BAZ1B: variants seen among roughly 807,000 people sequenced by gnomAD.
BAZ1B encodes the protein bromodomain adjacent to zinc finger domain 1B.
In BAZ1B, 22 loss-of-function variants were observed where a neutral mutation model predicts 153.8. That is an observed-to-expected ratio of 0.14 (90% confidence interval 0.10 to 0.20). The LOEUF is 0.20. Ranked by LOEUF, BAZ1B falls within the 10% of genes least tolerant of loss-of-function variation. The pLI, the probability that BAZ1B is intolerant of heterozygous loss-of-function variation, is 1.00. For missense variants in BAZ1B, 1,325 were observed against 1,799.3 expected, an observed-to-expected ratio of 0.74 and a Z score of 4.77; for synonymous variants, 676 against 633.4, an observed-to-expected ratio of 1.07 and a Z score of -1.01.
intron 1 of BAZ1B, among the ~76,000 whole-genome samples, chr7:73,517,188 C>CAA (rs572164094): frequency 2.8e-5 from 4 of 142,450 alleles, no homozygotes; most frequent in African/African-American, 7.7e-5. Context: ...AGCTCAAAAA[C>CAA]AAAAAAAAAA....
intron 13 of BAZ1B, among the ~76,000 whole-genome samples, chr7:73,452,498 C>T (rs1196508491): frequency 6.6e-6 from 1 of 151,890 alleles, no homozygotes; most frequent in Non-Finnish European, 1.5e-5. Context: ...CCGAGGCGGG[C>T]GGATCACAAA....
intron 7 of BAZ1B, among the ~76,000 whole-genome samples, chr7:73,475,508 A>G (rs912015671): frequency 1.3e-5 from 2 of 152,262 alleles, no homozygotes; most frequent in South Asian, 4.1e-4. Context: ...TACATGAAAT[A>G]TCCAGAATAG....
Position 73,517,373 on chromosome 7 carries a change from G to T in BAZ1B, c.107+4454C>A, listed in dbSNP as rs538874347. Among the ~76,000 whole-genome samples the T allele has an allele frequency of 2.4e-4, 37 of 152,030 alleles. No individual in the cohort carries two copies. In the South Asian group the frequency reaches 7.3e-3, roughly 30 times the overall value. On this transcript the variant is annotated intron_variant, in intron 1 of 19. Coordinates refer to ENST00000339594, the MANE Select transcript of BAZ1B (RefSeq NM_032408.4). The stretch of plus-strand genomic sequence containing the variant: ...ATTAGGCGTGGTGGTGTGCACCTAT[G>T]GTTATAGCTACTCAGCAGGCTGAGT...
rs956256499 is a variant in BAZ1B at position 73,484,873 on chromosome 7, G to C, written c.891+4321C>G. ...AAAGACAAAGAAAAGCTGAGGGACT[G>C]TCCCAGATTAGAAGAGACCAAAGAG... On this transcript the variant is annotated intron_variant, in intron 6 of 19. Transcript: ENST00000339594. Among the ~76,000 whole-genome samples, 6 of 152,160 alleles carry C rather than the reference G, an allele frequency of 3.9e-5. 1 individual carries two copies. In the South Asian group the frequency reaches 6.2e-4, roughly 16 times the overall value.
chr7:73,505,706 A>G (rs1790310520), intron 3 of BAZ1B, among the ~76,000 whole-genome samples: 1 of 151,956 alleles, frequency 6.6e-6, no homozygotes, highest in Non-Finnish European at 1.5e-5. Context: ...ATGCACCACC[A>G]TACCTGGCTA....
chr7:73,509,179 G>A (rs982483303), intron 2 of BAZ1B, among the ~76,000 whole-genome samples: 5 of 151,764 alleles, frequency 3.3e-5, no homozygotes, highest in South Asian at 2.1e-4. Context: ...AGAATTAGCC[G>A]GGCGTGGTGG....
rs993986484 is a variant in BAZ1B at position 73,450,502 on chromosome 7, T to C, written c.3580+345A>G. Among the ~76,000 whole-genome samples, 3 of 152,190 alleles carry C rather than the reference T, an allele frequency of 2.0e-5. No individual in the cohort carries two copies. The highest frequency in any genetic ancestry group is 6.5e-5 in the Admixed American group (1 of 15,270). ...GACTGCCTCCTGCTGAAAGCACATA[T>C]CTTACTTCACAGATGACTAAAGTTC... On this transcript the variant is annotated intron_variant, in intron 14 of 19. Transcript: ENST00000339594. The surrounding 1 kb of genome is among the most constrained non-coding windows in gnomAD (Gnocchi z 4.1).
chr7:73,471,278 C>T (rs183923429), intron 7 of BAZ1B, among the ~76,000 whole-genome samples: 2 of 152,164 alleles, frequency 1.3e-5, no homozygotes, highest in African/African-American at 2.4e-5. Context: ...ACAGCAGGGA[C>T]GCACTTGTGG....
chr7:73,508,396 C>G lies in BAZ1B; in HGVS notation c.300G>C (p.Glu100Asp). 1 of 1,614,060 alleles carries G rather than the reference C, an allele frequency of 6.2e-7. No homozygotes were observed. Among genetic ancestry groups the G allele is most frequent in the Non-Finnish European group, 8.5e-7 (1 of 1,179,982 alleles). ...EMVHHNTASL[E>D]KLVDTAWLEI... ...CCAACCAAGCAGTATCTACTAACTT[C>G]TCTAAGGAGGCTGTGTTATGGTGAA... The change falls in exon 3 of 20, where the codon GAG becomes GAC. Residue 100 changes from glutamate (E) to aspartate (D), a missense_variant. Transcript: ENST00000339594.
intron 6 of BAZ1B, among the ~76,000 whole-genome samples, chr7:73,485,798 A>C (rs1228824525): frequency 6.6e-6 from 1 of 152,216 alleles, no homozygotes; most frequent in Non-Finnish European, 1.5e-5. Context: ...AAATTCATGC[A>C]GGATTCCAAA....
chr7:73,494,397 C>T (rs114757591), intron 4 of BAZ1B, among the ~76,000 whole-genome samples: 1,902 of 151,712 alleles, frequency 0.013, 41 homozygotes, highest in African/African-American at 0.044. Context: ...AGAAGACGAA[C>T]ATAAAATGGA....
intron 16 of BAZ1B, among the ~76,000 whole-genome samples, chr7:73,445,112 A>T (rs1583882168): frequency 6.6e-6 from 1 of 152,266 alleles, no homozygotes; most frequent in East Asian, 1.9e-4. Context: ...GCCAACTGGC[A>T]TTCCTCAGTG....
At position 73,478,518 on chromosome 7, in the gene BAZ1B, T is replaced by C; in HGVS notation, c.943A>G (p.Arg315Gly). 1 of 1,582,814 alleles carries C rather than the reference T, an allele frequency of 6.3e-7. No individual in the cohort carries two copies. Among genetic ancestry groups the C allele is most frequent in the Non-Finnish European group, 8.6e-7 (1 of 1,166,946 alleles). ...TKRKNTGSPD[R>G]KPSKKSKTDN... ...GTCTTGGATTTCTTTGAGGGCTTCCTGTCTGGGGATCCAGTATTCTTCCTC... is the reference window on the plus strand; with the variant it reads ...GTCTTGGATTTCTTTGAGGGCTTCCCGTCTGGGGATCCAGTATTCTTCCTC... Residue 315 changes from arginine (R) to glycine (G), a missense_variant, in exon 7 of 20, where the codon AGG (arginine) becomes GGG (glycine). Physicochemically the swap from Arg to Gly is moderately radical, Grantham distance 125. Coordinates refer to ENST00000339594, the MANE Select transcript of BAZ1B (RefSeq NM_032408.4).
chr7:73,458,105 A>T (rs1185579353), intron 13 of BAZ1B, among the ~76,000 whole-genome samples: 1 of 152,232 alleles, frequency 6.6e-6, no homozygotes, highest in East Asian at 1.9e-4. Context: ...ACAGGTGGCA[A>T]CGTGGGGCTT....
intron 3 of BAZ1B, among the ~76,000 whole-genome samples, chr7:73,500,481 A>T (rs10275549): frequency 0.86 from 130,758 of 152,204 alleles, 56,571 homozygotes; most frequent in East Asian, 1. Context: ...ACGTTGAAGA[A>T]GAAGGGAGTT....
Position 73,522,007 on chromosome 7 carries a change from A to C in BAZ1B, c.-74T>G, listed in dbSNP as rs1241117576. Reference sequence around the variant, plus strand: ...CGCAGCACTAGGCCCCGCGGCCCGGAGCGAGCGCCAGGCGCCCGGGGGTGG... The same window carrying C: ...CGCAGCACTAGGCCCCGCGGCCCGGCGCGAGCGCCAGGCGCCCGGGGGTGG... On this transcript the variant is annotated 5_prime_UTR_variant, in exon 1 of 20. Coordinates refer to ENST00000339594, the MANE Select transcript of BAZ1B (RefSeq NM_032408.4). The C allele has an allele frequency of 9.8e-7, 1 of 1,019,078 alleles. No homozygotes were observed. Among genetic ancestry groups the C allele is most frequent in the African/African-American group, 1.7e-5 (1 of 58,520 alleles). 63.1% of individuals were successfully genotyped at this position (1,019,078 alleles called of 1,614,324 possible). A position where few individuals can be genotyped will look rare whatever the true frequency, so the allele number is the denominator to read the frequency against.
intron 10 of BAZ1B, 151 bp from the exon 11 acceptor site, chr7:73,465,688 A>G: frequency 4.0e-6 from 2 of 495,070 alleles, no homozygotes; most frequent in African/African-American, 2.0e-5. Context: ...AGAATAAGTA[A>G]TTTACTATTT....
At chr7:73,467,526 C>T (rs997979170) in intron 9 of BAZ1B, among the ~76,000 whole-genome samples, 7 of 152,008 alleles carry the variant, frequency 4.6e-5, no homozygotes, top group African/African-American at 9.7e-5. Flanking sequence ...CCCGCCACCA[C>T]ACCCGGCTAA....
At position 73,442,745 on chromosome 7, in the gene BAZ1B, G is replaced by A; in HGVS notation, c.4074C>T (p.Tyr1358=). The A allele has an allele frequency of 6.2e-7, 1 of 1,614,124 alleles. No homozygotes were observed. Among genetic ancestry groups the A allele is most frequent in the Non-Finnish European group, 8.5e-7 (1 of 1,179,976 alleles). Residue 1358 remains tyrosine (Y), a synonymous_variant, in exon 18 of 20, where the codon TAC becomes TAT. Transcript: ENST00000339594. ...CTCACCTGAAGGGCCAGCTGAAGCGGTACTTCACGATCTTGTGGAGGATCT... is the reference window on the plus strand; with the variant it reads ...CTCACCTGAAGGGCCAGCTGAAGCGATACTTCACGATCTTGTGGAGGATCT... ...CEEILHKIVK[Y]RFSWPFREPV...
Sources: allele counts gnomAD v4.1 joint callset (sites outside exome capture counted in the v4.1 genomes callset), GRCh38; gene constraint gnomAD v4.1.1; non-coding constraint Gnocchi (gnomAD v3.1); transcripts MANE v1.5; gene names NCBI Gene and HGNC (gene_info 2026-07-23, HGNC 2026-07-21).